XPO7: variants seen among roughly 807,000 people sequenced by gnomAD.
XPO7 encodes exportin-7.
In XPO7, 21 loss-of-function variants were observed where a neutral mutation model predicts 144.3. The observed-to-expected ratio is 0.15, with a 90% confidence interval of 0.10 to 0.21. XPO7 has a LOEUF of 0.21. Ranked by LOEUF, XPO7 falls within the 10% of genes least tolerant of loss-of-function variation. The pLI is 1.00. For missense variants in XPO7, 808 were observed against 1,325.8 expected (o/e 0.61, Z 6.06); for synonymous variants, 580 against 499.6 (o/e 1.16, Z -2.15).
Position 22,006,011 on chromosome 8 carries a change from GT to G in XPO7, c.*924del, listed in dbSNP as rs1475632889. 1 of 152,252 alleles carries G rather than the reference GT, an allele frequency of 6.6e-6. No homozygotes were observed. The highest frequency in any genetic ancestry group is 1.5e-5 in the Non-Finnish European group (1 of 68,074). 9.4% of individuals were successfully genotyped at this position (152,252 alleles called of 1,614,324 possible). A position where few individuals can be genotyped will look rare whatever the true frequency, so the allele number is the denominator to read the frequency against. On this transcript the variant is annotated 3_prime_UTR_variant, in exon 28 of 28. Transcript: ENST00000252512. ...CACTGCTCTCCTGGGAGCAATGTGGGTGAGTCCACCAGAGGCCCTGCTGTGT... is the reference window on the plus strand; with the variant it reads ...CACTGCTCTCCTGGGAGCAATGTGGGGAGTCCACCAGAGGCCCTGCTGTGT...
chr8:21,919,716 C>G lies in XPO7; in HGVS notation c.-55C>G. On this transcript the variant is annotated 5_prime_UTR_variant, in exon 1 of 28. Transcript: ENST00000252512. The stretch of plus-strand genomic sequence containing the variant: ...GCGGCGGCGGCGGCAGCGGCTCCGG[C>G]CGAGGTGCGCGCTGGGGGGGAGGGG... The G allele has an allele frequency of 4.0e-6, 1 of 251,742 alleles. No homozygotes were observed. Among genetic ancestry groups the G allele is most frequent in the Non-Finnish European group, 7.1e-6 (1 of 141,394 alleles). 15.6% of individuals were successfully genotyped at this position (251,742 alleles called of 1,614,324 possible).
rs1812451909 is a variant in XPO7 at position 21,982,883 on chromosome 8, C to T, written c.1277+71C>T. ...TCACACTTCCTAGAGATCAGACACCCCATTGGCAAAGAGGTACTCGAAGCG... is the reference window on the plus strand; with the variant it reads ...TCACACTTCCTAGAGATCAGACACCTCATTGGCAAAGAGGTACTCGAAGCG... On this transcript the variant is annotated intron_variant, in intron 11 of 27. Coordinates refer to ENST00000252512, the MANE Select transcript of XPO7 (RefSeq NM_015024.5). The T allele has an allele frequency of 3.3e-6, 5 of 1,502,006 alleles. No homozygotes were observed. The South Asian group carries it at 6.8e-5, about 20-fold the overall frequency. The allele number at this position is 1,502,006 out of a possible 1,614,324, so 93.0% of individuals were successfully genotyped here.
intron 2 of XPO7, among the ~76,000 whole-genome samples, chr8:21,967,372 C>A (rs1811917810): frequency 6.6e-6 from 1 of 152,058 alleles, no homozygotes; most frequent in Non-Finnish European, 1.5e-5. Flanking sequence ...CTCTTGTTGC[C>A]CAGGCTGGAG....
At chr8:21,948,710 C>T (rs1811271919) in intron 1 of XPO7, among the ~76,000 whole-genome samples, 1 of 151,990 alleles carries the variant, frequency 6.6e-6, no homozygotes, top group African/African-American at 2.4e-5. Flanking sequence ...TTTATTCATC[C>T]TTCACCAGAA....
At chr8:21,946,676 C>T (rs902160294) in intron 1 of XPO7, among the ~76,000 whole-genome samples, 10 of 148,090 alleles carry the variant, frequency 6.8e-5, no homozygotes, top group African/African-American at 2.2e-4. Flanking sequence ...GAGTCTTGCC[C>T]TGTTACCCAG....
Position 21,991,905 on chromosome 8 carries a change from A to G in XPO7, c.2079A>G (p.Pro693=). The part of the protein sequence containing the change: ...DEDQYEQFML[P]LTAAFEAVAQ... ...ATCAGTATGAGCAGTTCATGCTGCC[A>G]CTCACAGCAGCATTTGAGGCTGTGG... The change falls in exon 19 of 28, where the codon CCA becomes CCG. Residue 693 remains proline, a synonymous_variant. Transcript: ENST00000252512. The G allele has an allele frequency of 6.2e-7, 1 of 1,613,432 alleles. No homozygotes were observed. Among genetic ancestry groups the G allele is most frequent in the Non-Finnish European group, 8.5e-7 (1 of 1,179,768 alleles).
chr8:21,999,032 C>G, intron 22 of XPO7, 59 bp from the exon 23 acceptor site: 1 of 1,594,742 alleles, frequency 6.3e-7, no homozygotes, highest in East Asian at 2.2e-5. Flanking sequence ...AGTAGGAAGG[C>G]TGATCTAAAC....
intron 1 of XPO7, among the ~76,000 whole-genome samples, chr8:21,924,742 C>T (rs1440909054): frequency 1.3e-5 from 2 of 152,140 alleles, no homozygotes; most frequent in African/African-American, 4.8e-5. Context: ...TGAAAATGCT[C>T]ACAACATTTT....
intron 9 of XPO7, among the ~76,000 whole-genome samples, chr8:21,981,043 T>C (rs181087815): frequency 3.6e-4 from 55 of 152,300 alleles, no homozygotes; most frequent in African/African-American, 1.3e-3. Flanking sequence ...CTTTTTAAAA[T>C]TCATTTATTC....
At position 21,983,666 on chromosome 8, in the gene XPO7, T is replaced by C. The variant is rs17060706; in HGVS notation, c.1277+854T>C. Reference sequence around the variant, plus strand: ...GCATTGTTGGGGAGTGGTTACATGTTTGTAGGCTCTGGGGCCGGATAGCCA... The same window carrying C: ...GCATTGTTGGGGAGTGGTTACATGTCTGTAGGCTCTGGGGCCGGATAGCCA... On this transcript the variant is annotated intron_variant, in intron 11 of 27. Coordinates refer to ENST00000252512, the MANE Select transcript of XPO7 (RefSeq NM_015024.5). 6.1e-3 allele frequency among the ~76,000 whole-genome samples: 923 copies of C among 152,320 alleles called. 10 individuals are homozygous for C. Among genetic ancestry groups the C allele is most frequent in the African/African-American group, 0.021 (887 of 41,558 alleles).
At chr8:21,961,233 A>G (rs1322375897) in intron 1 of XPO7, among the ~76,000 whole-genome samples, 1 of 148,990 alleles carries the variant, frequency 6.7e-6, no homozygotes, top group African/African-American at 2.5e-5. Context: ...TTTTTGAGAC[A>G]GGGTCTCACT....
At chr8:21,920,392 C>G (rs2117226222) in intron 1 of XPO7, among the ~76,000 whole-genome samples, 1 of 152,210 alleles carries the variant, frequency 6.6e-6, no homozygotes, top group East Asian at 1.9e-4. Flanking sequence ...CCCCGGTCTT[C>G]CAAAATGGGT....
At chr8:21,984,891 G>C in intron 12 of XPO7, 52 bp downstream of exon 12, 3 of 1,581,552 alleles carry the variant, frequency 1.9e-6, no homozygotes, top group South Asian at 1.1e-5. Context: ...ATGTTGTCTA[G>C]TACCCCTTCG....
chr8:21,936,841 C>T (rs1341643355), intron 1 of XPO7, among the ~76,000 whole-genome samples: 1 of 151,918 alleles, frequency 6.6e-6, no homozygotes, highest in African/African-American at 2.4e-5. Flanking sequence ...CTTCTTTTTT[C>T]ATTTGAAAAA....
At chr8:22,001,501 TC>T (rs1813146034) in intron 24 of XPO7, among the ~76,000 whole-genome samples, 2 of 151,970 alleles carry the variant, frequency 1.3e-5, no homozygotes, top group Admixed American at 1.3e-4. Flanking sequence ...AGTCTGCAGC[TC>T]CCCCCAGAGA....
chr8:21,989,414 C>T (rs1812686536), intron 16 of XPO7, among the ~76,000 whole-genome samples: 1 of 152,152 alleles, frequency 6.6e-6, no homozygotes, highest in African/African-American at 2.4e-5. Context: ...CAAACTCCTT[C>T]TTAGGTTGTC....
At chr8:21,979,674 T>C (rs982034346) in intron 8 of XPO7, among the ~76,000 whole-genome samples, 13 of 152,238 alleles carry the variant, frequency 8.5e-5, no homozygotes, top group Non-Finnish European at 1.8e-4. Flanking sequence ...CCCAGAGTGC[T>C]GGGATTACAG....
chr8:21,949,532 C>T (rs1353784278), intron 1 of XPO7, among the ~76,000 whole-genome samples: 1 of 152,156 alleles, frequency 6.6e-6, no homozygotes, highest in Non-Finnish European at 1.5e-5. Context: ...TTTAAGAATT[C>T]AGTTAAAAGC....
At position 21,976,365 on chromosome 8, in the gene XPO7, A is replaced by G; in HGVS notation, c.607A>G (p.Lys203Glu). The change falls in exon 7 of 28, where the codon AAG becomes GAG. Residue 203 changes from lysine (K) to glutamate (E), a missense_variant. Physicochemically the swap from Lys to Glu is moderately conservative, Grantham distance 56. Transcript: ENST00000252512. ...GTGGTAATTTTTACAGGCTTCAGGA[A>G]AGAATCTAAACTTGAATGATGAAAG... ...SCNLLKQASG[K>E]NLNLNDESQH... is the part of the protein sequence containing the mutation. 1.2e-6 allele frequency: 2 copies of G among 1,613,690 alleles called. No homozygotes were observed. Among genetic ancestry groups the G allele is most frequent in the Non-Finnish European group, 1.7e-6 (2 of 1,179,704 alleles).
Sources: allele counts gnomAD v4.1 joint callset (sites outside exome capture counted in the v4.1 genomes callset), GRCh38; gene constraint gnomAD v4.1.1; transcripts MANE v1.5; gene names NCBI Gene and HGNC (gene_info 2026-07-23, HGNC 2026-07-21).